The following RPS6KC1 variants were observed in gnomAD, a reference collection of about 807,000 sequenced individuals.
The protein encoded by RPS6KC1 is inactive ribosomal protein S6 kinase delta-1.
RPS6KC1 carries 54 observed loss-of-function variants against 103.8 expected under a neutral mutation model. The observed-to-expected ratio is 0.52, with a 90% CI of 0.42 to 0.65. The LOEUF (loss-of-function observed/expected upper bound fraction) is 0.65, where lower values mean the gene tolerates loss of function less well. Among genes scored for constraint, RPS6KC1 ranks in the 30% least tolerant of loss-of-function variants. The pLI, the probability that RPS6KC1 is intolerant of heterozygous loss-of-function variation, is 0.00. For synonymous variants in RPS6KC1, 439 were observed against 438.7 expected (o/e 1.00, Z -0.01); for missense variants, 1,151 against 1,253.8 (o/e 0.92, Z 1.24).
chr1:213,821,374 C>A, the RPS6KC1 span: 1 of 152,244 alleles, frequency 6.6e-6, no homozygotes, highest in East Asian at 1.9e-4. Flanking sequence ...CCAGGGCAAG[C>A]CCAGAAGGAA....
chr1:213,209,615 A>G (rs1167322207), intron 8 of RPS6KC1, among the ~76,000 whole-genome samples: 4 of 145,712 alleles, frequency 2.7e-5, no homozygotes, highest in African/African-American at 7.6e-5. Context: ...GAATGGCTTG[A>G]ACCTGGGAGG....
chr1:213,282,673 T>C, the RPS6KC1 span, among the ~76,000 whole-genome samples: 1 of 152,274 alleles, frequency 6.6e-6, no homozygotes, highest in African/African-American at 2.4e-5. Context: ...TTAACTCTTG[T>C]CATCATTGAT....
chr1:213,367,360 G>T, the RPS6KC1 span, among the ~76,000 whole-genome samples: 84 of 152,338 alleles, frequency 5.5e-4, 1 homozygote, highest in Non-Finnish European at 5.9e-5. Context: ...GCAGAGTAAG[G>T]ATAACTTGGA....
At chr1:213,361,054 A>C in the RPS6KC1 span, among the ~76,000 whole-genome samples, 1 of 152,220 alleles carries the variant, frequency 6.6e-6, no homozygotes, top group East Asian at 1.9e-4. Flanking sequence ...CTCAAACTCC[A>C]TGCTGGGAGA....
Position 213,241,727 on chromosome 1 carries a change from G to A in RPS6KC1, c.2251G>A (p.Glu751Lys). ...CQAHEEKGIEELSDPSGPKSY... is the reference protein window; with the variant it reads ...CQAHEEKGIEKLSDPSGPKSY... Reference sequence around the variant, plus strand: ...AGCACATGAGGAGAAAGGCATAGAGGAACTGAGTGATCCCTCTGGGCCCAA... The same window carrying A: ...AGCACATGAGGAGAAAGGCATAGAGAAACTGAGTGATCCCTCTGGGCCCAA... The change falls in exon 11 of 15, where the codon GAA (glutamate) becomes AAA (lysine). Residue 751 changes from glutamate (E) to lysine (K), a missense_variant. This residue lies in a region of RPS6KC1 where 959 missense variants were observed against 1,006.3 expected (regional missense o/e 0.95). Transcript: ENST00000366960. 6.2e-7 allele frequency: 1 copy of A among 1,613,930 alleles called. No homozygotes were observed. The highest frequency in any genetic ancestry group is 2.2e-5 in the East Asian group (1 of 44,862).
At chr1:213,645,384 T>G in the RPS6KC1 span, among the ~76,000 whole-genome samples, 2 of 152,132 alleles carry the variant, frequency 1.3e-5, no homozygotes. Context: ...TGGCAAGTAT[T>G]TCATAAAATC....
chr1:213,834,826 C>T, the RPS6KC1 span, among the ~76,000 whole-genome samples: 1 of 152,118 alleles, frequency 6.6e-6, no homozygotes, highest in African/African-American at 2.4e-5. Flanking sequence ...GTATTTGATA[C>T]AGCACCTAGT....
the RPS6KC1 span, among the ~76,000 whole-genome samples, chr1:213,492,133 AC>A: frequency 6.6e-6 from 1 of 152,142 alleles, no homozygotes; most frequent in Non-Finnish European, 1.5e-5. Context: ...TCGGCATGAC[AC>A]CATTGTGTGC....
the RPS6KC1 span, among the ~76,000 whole-genome samples, chr1:213,305,077 T>C: frequency 6.6e-6 from 1 of 152,088 alleles, no homozygotes; most frequent in Admixed American, 6.5e-5. Context: ...TGGGAAACAG[T>C]CTGAGATTCA....
chr1:213,054,386 C>T (rs1041831440), intron 1 of RPS6KC1, among the ~76,000 whole-genome samples: 5 of 152,036 alleles, frequency 3.3e-5, no homozygotes, highest in African/African-American at 7.3e-5. Flanking sequence ...TGAGAGTCAA[C>T]GTGGAGACAT....
chr1:213,650,560 G>A, the RPS6KC1 span, among the ~76,000 whole-genome samples: 77 of 152,200 alleles, frequency 5.1e-4, 1 homozygote, highest in African/African-American at 1.5e-3. Flanking sequence ...ATCTATGTCC[G>A]CATCCGGGCC....
chr1:213,514,432 C>T, the RPS6KC1 span, among the ~76,000 whole-genome samples: 1 of 145,996 alleles, frequency 6.8e-6, no homozygotes, highest in African/African-American at 2.5e-5. Context: ...TTCCTCTGTC[C>T]ATGTGTTCTC....
At chr1:213,846,544 C>T in the RPS6KC1 span, among the ~76,000 whole-genome samples, 1,312 of 152,162 alleles carry the variant, frequency 8.6e-3, 7 homozygotes, top group South Asian at 0.016. Flanking sequence ...TCTCCTGAAG[C>T]CAATTTCTTT....
chr1:213,303,056 C>T, the RPS6KC1 span, among the ~76,000 whole-genome samples: 1 of 152,162 alleles, frequency 6.6e-6, no homozygotes, highest in African/African-American at 2.4e-5. Flanking sequence ...TAGCACTCGA[C>T]TGTATGTATG....
intron 1 of RPS6KC1, among the ~76,000 whole-genome samples, chr1:213,057,752 C>CTTTTTTTTTTTT (rs869259657): frequency 1.2e-4 from 9 of 73,698 alleles, no homozygotes; most frequent in Admixed American, 2.1e-4. Flanking sequence ...TCTGAAGTAT[C>CTTTTTTTTTTTT]TTTTTTTTTT....
chr1:213,736,216 G>A, the RPS6KC1 span, among the ~76,000 whole-genome samples: 3 of 152,140 alleles, frequency 2.0e-5, no homozygotes, highest in Admixed American at 6.5e-5. Flanking sequence ...GTTTCCATGG[G>A]TCAGTAGTCC....
chr1:213,111,519 A>G (rs1055504821), intron 4 of RPS6KC1, among the ~76,000 whole-genome samples: 6 of 152,176 alleles, frequency 3.9e-5, no homozygotes, highest in Non-Finnish European at 5.9e-5. Flanking sequence ...AGTGTTTGTT[A>G]AACTAGGTAA....
the RPS6KC1 span, among the ~76,000 whole-genome samples, chr1:213,478,942 A>G: frequency 6.6e-6 from 1 of 151,966 alleles, no homozygotes; most frequent in African/African-American, 2.4e-5. Flanking sequence ...TTAAATATTT[A>G]CTTATTTTAT....
At chr1:213,068,164 T>C (rs2078498527) in intron 1 of RPS6KC1, among the ~76,000 whole-genome samples, 1 of 152,164 alleles carries the variant, frequency 6.6e-6, no homozygotes, top group Non-Finnish European at 1.5e-5. Context: ...TGGTTATCCA[T>C]GACTTTTCTT....
Sources: gnomAD v4.1 joint callset for allele counts (sites outside exome capture counted in the v4.1 genomes callset) on GRCh38, gnomAD v4.1.1 for gene constraint, gnomAD v4.1.1 regional missense constraint, MANE v1.5 for transcripts, NCBI Gene and HGNC (gene_info 2026-07-23, HGNC 2026-07-21) for gene names.